The following MYH1 variants were observed in gnomAD, a reference collection of about 807,000 sequenced individuals.
The protein encoded by MYH1 is myosin-1.
Under a neutral mutation model 225.6 loss-of-function variants are expected in MYH1, and 214 were observed. The observed-to-expected ratio is 0.95, with a 90% CI of 0.85 to 1.06. The LOEUF (loss-of-function observed/expected upper bound fraction) is 1.06, where lower values mean the gene tolerates loss of function less well. Among genes scored for constraint, MYH1 ranks in the 50% least tolerant of loss-of-function variants. The pLI is 0.00. For missense variants in MYH1, 2,098 were observed against 2,344.2 expected (o/e 0.89, Z 2.17); for synonymous variants, 774 against 842.3 (o/e 0.92, Z 1.40).
At chr17:10,503,390 T>C in intron 22 of MYH1, 142 bp from the exon 23 acceptor site, 1 of 1,217,482 alleles carries the variant, frequency 8.2e-7, no homozygotes, top group South Asian at 1.6e-5. Context: ...TCAGTAAATA[T>C]TGGGCACTTA....
chr17:10,500,027 A>T (rs2073035533), intron 28 of MYH1, among the ~76,000 whole-genome samples: 1 of 152,154 alleles, frequency 6.6e-6, no homozygotes, highest in African/African-American at 2.4e-5. Flanking sequence ...ATCTTACTTG[A>T]ATGCTTCTCA....
At position 10,503,207 on chromosome 17, in the gene MYH1, C is replaced by G. The variant is rs1312512718; in HGVS notation, c.2733G>C (p.Gln911His). The change falls in exon 23 of 40, where the codon CAG (glutamine) becomes CAC (histidine). Residue 911 changes from glutamine (Q) to histidine (H), a missense_variant. Transcript: ENST00000226207. ...CTAGCTGGATTTTGGTTTTGATTAG[C>G]TGGTCACACCTTTCCTCTGCATCAG... Reference protein sequence around the residue: ...SLADAEERCDQLIKTKIQLEA... With the variant: ...SLADAEERCDHLIKTKIQLEA... 1 of 1,613,996 alleles carries G rather than the reference C, an allele frequency of 6.2e-7. No homozygotes were observed. The highest frequency in any genetic ancestry group is 8.5e-7 in the Non-Finnish European group (1 of 1,180,020).
Position 10,505,384 on chromosome 17 carries a change from T to G in MYH1, c.2298+4A>C. The G allele has an allele frequency of 6.2e-7, 1 of 1,614,234 alleles. No homozygotes were observed. The highest frequency in any genetic ancestry group is 8.5e-7 in the Non-Finnish European group (1 of 1,180,042). On this transcript the variant is annotated splice_donor_region_variant and intron_variant, in intron 20 of 39. Coordinates refer to ENST00000226207, the MANE Select transcript of MYH1 (RefSeq NM_005963.4). The stretch of plus-strand genomic sequence containing the variant: ...AGCATCAGGTAGGATTTACAGAATA[T>G]TACCTTGGTGTGACCAAATTTATAC...
chr17:10,508,950 C>T (rs954802333), intron 15 of MYH1, among the ~76,000 whole-genome samples: 3 of 152,128 alleles, frequency 2.0e-5, no homozygotes, highest in African/African-American at 7.2e-5. Context: ...GACCTGAGAG[C>T]AATATTTCTC....
chr17:10,498,502 CT>C, intron 30 of MYH1, 123 bp downstream of exon 30: 1 of 1,350,012 alleles, frequency 7.4e-7, no homozygotes, highest in South Asian at 1.4e-5. Context: ...TCTAAGGCAT[CT>C]ACCAAAACAT....
intron 33 of MYH1, 111 bp from the exon 34 acceptor site, chr17:10,496,660 A>G: frequency 6.6e-7 from 1 of 1,507,276 alleles, no homozygotes; most frequent in Non-Finnish European, 9.0e-7. Context: ...ATTTCTAAGT[A>G]GTAGTAAGAT....
Position 10,502,857 on chromosome 17 carries a change from T to C in MYH1, c.2992A>G (p.Lys998Glu), listed in dbSNP as rs867000141. ...GLDETIAKLT[K>E]EKKALQEAHQ... ...GCCTCCTGGAGAGCCTTCTTCTCCTTGGTCAGCTTAGCAATGGTTTCATCC... is the reference window on the plus strand; with the variant it reads ...GCCTCCTGGAGAGCCTTCTTCTCCTCGGTCAGCTTAGCAATGGTTTCATCC... Residue 998 changes from lysine to glutamate, a missense_variant, in exon 24 of 40, where the codon AAG becomes GAG. Coordinates refer to ENST00000226207, the MANE Select transcript of MYH1 (RefSeq NM_005963.4). 3.7e-6 allele frequency: 6 copies of C among 1,614,064 alleles called. No homozygotes were observed. The East Asian group carries it at 1.1e-4, about 30-fold the overall frequency.
chr17:10,501,209 G>A lies in MYH1; in HGVS notation c.3639C>T (p.Asn1213=). ...SVAELGEQID[N]LQRVKQKLEK... ...CCAGCTTCTGCTTCACTCGCTGCAGGTTGTCAATCTGCTCCCCAAGCTCGG... is the reference window on the plus strand; with the variant it reads ...CCAGCTTCTGCTTCACTCGCTGCAGATTGTCAATCTGCTCCCCAAGCTCGG... Residue 1213 remains asparagine, a synonymous_variant, in exon 27 of 40, where the codon AAC becomes AAT. Transcript: ENST00000226207. 1 of 1,614,114 alleles carries A rather than the reference G, an allele frequency of 6.2e-7. No homozygotes were observed. Among genetic ancestry groups the A allele is most frequent in the Non-Finnish European group, 8.5e-7 (1 of 1,180,024 alleles).
chr17:10,492,677 T>C, intron 39 of MYH1, 109 bp from the exon 40 acceptor site: 2 of 1,242,218 alleles, frequency 1.6e-6, no homozygotes, highest in Non-Finnish European at 2.2e-6. Flanking sequence ...CTCTAGCAGA[T>C]ATTTTAAGAA....
intron 22 of MYH1, 119 bp downstream of exon 22, chr17:10,504,691 T>A: frequency 4.3e-6 from 5 of 1,156,148 alleles, no homozygotes; most frequent in Non-Finnish European, 6.1e-6. Context: ...TCTAAGGAGT[T>A]GTGGATTATT....
At chr17:10,504,586 G>A (rs1297008718) in intron 22 of MYH1, among the ~76,000 whole-genome samples, 1 of 152,106 alleles carries the variant, frequency 6.6e-6, no homozygotes, top group East Asian at 1.9e-4. Context: ...ACAACAGAGG[G>A]GAAGGAAAAA....
chr17:10,514,075 A>G lies in MYH1; in HGVS notation c.583T>C (p.Tyr195His). 2 of 1,614,190 alleles carry G rather than the reference A, an allele frequency of 1.2e-6. No individual in the cohort carries two copies. Among genetic ancestry groups the G allele is most frequent in the Non-Finnish European group, 1.7e-6 (2 of 1,180,008 alleles). ...CCAGTAACTGCAATTGTTGCAAAGT[A>G]CTGGATGACACGCTTGGTGTTCACA... is the stretch of plus-strand genomic sequence containing the variant. ...KTVNTKRVIQ[Y>H]FATIAVTGEK... The change falls in exon 7 of 40, where the codon TAC becomes CAC. Residue 195 changes from tyrosine (Y) to histidine (H), a missense_variant. Coordinates refer to ENST00000226207, the MANE Select transcript of MYH1 (RefSeq NM_005963.4).
chr17:10,514,388 A>G (rs2073204947), intron 6 of MYH1, among the ~76,000 whole-genome samples: 1 of 152,196 alleles, frequency 6.6e-6, no homozygotes, highest in Admixed American at 6.5e-5. Flanking sequence ...GGGGTCTGAA[A>G]AGCAGCTACT....
At chr17:10,506,231 A>C in intron 17 of MYH1, 132 bp from the exon 18 acceptor site, 1 of 1,177,152 alleles carries the variant, frequency 8.5e-7, no homozygotes, top group Non-Finnish European at 1.2e-6. Flanking sequence ...ATTTTCAAAG[A>C]GTTATCTCTG....
chr17:10,512,773 T>G lies in MYH1; in HGVS notation c.916A>C (p.Ile306Leu), dbSNP rs977895803. Residue 306 changes from isoleucine to leucine, a missense_variant, in exon 11 of 40, where the codon ATC (isoleucine) becomes CTC (leucine). Physicochemically the swap from Ile to Leu is conservative, Grantham distance 5. Coordinates refer to ENST00000226207, the MANE Select transcript of MYH1 (RefSeq NM_005963.4). ...KKPDLIEMLLITTNPYDYAFV... is the reference protein window; with the variant it reads ...KKPDLIEMLLLTTNPYDYAFV... ...GCATAATCGTATGGGTTGGTGGTGA[T>G]CAGGAGCATTTCTGGGTCACAGAAT... The G allele has an allele frequency of 5.6e-6, 9 of 1,613,984 alleles. No homozygotes were observed. Among genetic ancestry groups the G allele is most frequent in the Middle Eastern group, 1.6e-4 (1 of 6,084 alleles).
In MYH1 at chr17:10,508,496, G is replaced by A. The variant is rs771553853; in HGVS notation, c.1764C>T (p.Thr588=). Residue 588 remains threonine (T), a synonymous_variant, in exon 16 of 40, where the codon ACC becomes ACT. Coordinates refer to ENST00000226207, the MANE Select transcript of MYH1 (RefSeq NM_005963.4). ...GCCAGCCGGCAATGTTGTAGTCCAC[G>A]GTGCCAGCATAGTGAATCAAAGAGA... is the stretch of plus-strand genomic sequence containing the variant. ...AHFSLIHYAG[T]VDYNIAGWLD... 46 of 1,614,028 alleles carry A rather than the reference G, an allele frequency of 2.9e-5. No homozygotes were observed. The highest frequency in any genetic ancestry group is 2.7e-4 in the South Asian group (25 of 91,080).
chr17:10,499,523 T>C (rs781732436), intron 28 of MYH1, among the ~76,000 whole-genome samples: 3 of 152,228 alleles, frequency 2.0e-5, no homozygotes, highest in Non-Finnish European at 2.9e-5. Context: ...CTTCTGTAAG[T>C]AGAAATGATA....
intron 16 of MYH1, 73 bp from the exon 17 acceptor site, chr17:10,508,029 T>C (rs904402367): frequency 2.4e-6 from 3 of 1,274,684 alleles, no homozygotes; most frequent in Non-Finnish European, 3.3e-6. Context: ...TTTTTTTTTG[T>C]TTTTTTTGAC....
Position 10,505,068 on chromosome 17 carries a change from GT to G in MYH1, c.2436-4del, listed in dbSNP as rs2142267260. ...ACTGGATGCAGAAGATGGACTCTCT[GT>G]CATAGGAACAGAAATGTCCAAATCA... On this transcript the variant is annotated splice_region_variant and splice_polypyrimidine_tract_variant and intron_variant, in intron 21 of 39. Coordinates refer to ENST00000226207, the MANE Select transcript of MYH1 (RefSeq NM_005963.4). The G allele has an allele frequency of 6.2e-7, 1 of 1,614,018 alleles. No homozygotes were observed. The highest frequency in any genetic ancestry group is 2.2e-5 in the East Asian group (1 of 44,880).
Sources: allele counts gnomAD v4.1 joint callset (sites outside exome capture counted in the v4.1 genomes callset), GRCh38; gene constraint gnomAD v4.1.1; transcripts MANE v1.5; gene names NCBI Gene and HGNC (gene_info 2026-07-23, HGNC 2026-07-21).